Variants in OPHN1 observed in about 807,000 individuals in gnomAD.
OPHN1 encodes the protein oligophrenin-1.
In OPHN1, 11 loss-of-function variants were observed where a neutral mutation model predicts 60.7. The ratio of observed to expected loss-of-function variants is 0.18; its 90% CI spans 0.11 to 0.30. The LOEUF is 0.30. Among genes scored for constraint, OPHN1 ranks in the 10% least tolerant of loss-of-function variants. The pLI, the probability that OPHN1 is intolerant of heterozygous loss-of-function variation, is 1.00. For synonymous variants in OPHN1, 226 were observed against 222.6 expected, an observed-to-expected ratio of 1.02 and a Z score of -0.14; for missense variants, 449 against 611.0, an observed-to-expected ratio of 0.73 and a Z score of 2.80.
At chrX:68,362,932 G>A (rs2078480571) in intron 2 of OPHN1, among the ~76,000 whole-genome samples, 1 of 111,236 alleles carries the variant, frequency 9.0e-6, no homozygotes, top group South Asian at 3.8e-4. Context: ...CAATTTTTCT[G>A]TGAAACTGAA....
chrX:68,210,720 A>G (rs966888675), intron 8 of OPHN1, among the ~76,000 whole-genome samples: 14 of 112,065 alleles, frequency 1.2e-4, no homozygotes, highest in African/African-American at 4.5e-4. Context: ...CCAAGAACAT[A>G]AAATATACGA....
intron 2 of OPHN1, among the ~76,000 whole-genome samples, chrX:68,310,432 A>G (rs931747968): frequency 9.4e-6 from 1 of 106,092 alleles, no homozygotes; most frequent in African/African-American, 3.9e-5. Flanking sequence ...AGCTCTAAGA[A>G]GAGGAAAAAA....
chrX:68,216,951 CG>C (rs1322004464), intron 6 of OPHN1, among the ~76,000 whole-genome samples: 1 of 112,082 alleles, frequency 8.9e-6, no homozygotes. Flanking sequence ...GGAACAGCTC[CG>C]GTCTACAGCT....
At chrX:68,319,460 G>C (rs1432906804) in intron 2 of OPHN1, among the ~76,000 whole-genome samples, 1 of 111,377 alleles carries the variant, frequency 9.0e-6, no homozygotes, top group East Asian at 2.8e-4. Context: ...AAATGACTGG[G>C]CATGGTGGCT....
At chrX:68,317,585 GAA>G (rs1236426345) in intron 2 of OPHN1, among the ~76,000 whole-genome samples, 3 of 81,233 alleles carry the variant, frequency 3.7e-5, no homozygotes, top group Non-Finnish European at 6.4e-5. Context: ...GAGAAAGAAA[GAA>G]AGAGAGAGAA....
chrX:68,050,411 C>T (rs751527271), intron 23 of OPHN1, among the ~76,000 whole-genome samples: 2 of 111,995 alleles, frequency 1.8e-5, no homozygotes, highest in African/African-American at 6.5e-5. Context: ...CTGCTTTGGC[C>T]ATAGCCCTTG....
At chrX:68,157,120 A>G (rs1342722285) in intron 15 of OPHN1, among the ~76,000 whole-genome samples, 1 of 112,239 alleles carries the variant, frequency 8.9e-6, no homozygotes, top group African/African-American at 3.2e-5. Context: ...AATTTATATT[A>G]AATAAAATTT....
At chrX:68,194,406 T>C in intron 13 of OPHN1, 59 bp downstream of exon 13, 1 of 957,971 alleles carries the variant, frequency 1.0e-6, no homozygotes, top group Non-Finnish European at 1.5e-6. Context: ...TGGTATTTAC[T>C]ATGAATCGGA....
At chrX:68,405,809 T>C (rs2078739627) in intron 2 of OPHN1, among the ~76,000 whole-genome samples, 1 of 111,552 alleles carries the variant, frequency 9.0e-6, no homozygotes, top group Non-Finnish European at 1.9e-5. Flanking sequence ...TTCTAAACTT[T>C]TGGGACATAA....
chrX:68,089,571 AT>A (rs2077008649), intron 19 of OPHN1, among the ~76,000 whole-genome samples: 1 of 111,430 alleles, frequency 9.0e-6, no homozygotes, highest in Non-Finnish European at 1.9e-5. Flanking sequence ...AAATGCTATC[AT>A]TTTTACTGTG....
chrX:68,301,217 G>A (rs924820929), intron 2 of OPHN1, among the ~76,000 whole-genome samples: 7 of 110,994 alleles, frequency 6.3e-5, no homozygotes, highest in Non-Finnish European at 7.5e-5. Context: ...ACACTGAGGC[G>A]GGCAGATCAC....
At chrX:68,189,527 C>T (rs1486007105) in intron 15 of OPHN1, among the ~76,000 whole-genome samples, 1 of 106,590 alleles carries the variant, frequency 9.4e-6, no homozygotes, top group African/African-American at 3.4e-5. Context: ...CACAACAGGC[C>T]CCAGTGTGTG....
intron 6 of OPHN1, among the ~76,000 whole-genome samples, chrX:68,222,131 C>T (rs1470809181): frequency 7.2e-4 from 78 of 108,946 alleles, no homozygotes; most frequent in Non-Finnish European, 1.2e-3. Context: ...CATGAACAGA[C>T]ACTCCTCAAA....
intron 5 of OPHN1, among the ~76,000 whole-genome samples, chrX:68,261,210 A>C (rs1432435133): frequency 9.0e-6 from 1 of 111,511 alleles, no homozygotes; most frequent in Non-Finnish European, 1.9e-5. Flanking sequence ...AAAAAAGCTC[A>C]ATTCAGTGGC....
rs770308744 is a variant in OPHN1 at position 68,274,768 on chromosome X, A to G, written c.354T>C (p.Asn118=). The G allele has an allele frequency of 1.7e-6, 2 of 1,206,566 alleles. No individual in the cohort carries two copies. The highest frequency in any genetic ancestry group is 5.9e-5 in the East Asian group (2 of 33,762). The change falls in exon 5 of 25, where the codon AAT becomes AAC. Residue 118 remains asparagine, a synonymous_variant. Coordinates refer to ENST00000355520, the MANE Select transcript of OPHN1 (RefSeq NM_002547.3). ...ASDLLIKPLE[N]FRKEQIGFTK... is the part of the protein sequence containing the mutation. The stretch of plus-strand genomic sequence containing the variant: ...TGAAGCCTATTTGTTCCTTCCGGAA[A>G]TTTTCCAAGGGTTTAATCAGCAAAT...
chrX:68,299,215 T>G, intron 2 of OPHN1, 119 bp from the exon 3 acceptor site: 3 of 419,211 alleles, frequency 7.2e-6, no homozygotes, highest in Non-Finnish European at 4.5e-6. Context: ...AGGTTGCAAC[T>G]AGCATTTAAT....
chrX:68,207,190 G>A (rs1207243940), intron 9 of OPHN1, among the ~76,000 whole-genome samples: 8 of 105,815 alleles, frequency 7.6e-5, no homozygotes, highest in Admixed American at 3.1e-4. Flanking sequence ...GTGCAGTGGC[G>A]CAATCTCAGC....
intron 2 of OPHN1, among the ~76,000 whole-genome samples, chrX:68,329,546 C>T (rs2078284591): frequency 8.9e-6 from 1 of 112,188 alleles, no homozygotes; most frequent in Admixed American, 9.5e-5. Context: ...TTTCTTAGAG[C>T]ATTTCCTCAA....
intron 6 of OPHN1, among the ~76,000 whole-genome samples, chrX:68,219,267 A>C (rs12012983): frequency 0.13 from 10,068 of 74,785 alleles, 882 homozygotes; most frequent in African/African-American, 0.25. Context: ...CAGGAGCACC[A>C]AGATTCATAA....
Sources: allele counts gnomAD v4.1 joint callset (sites outside exome capture counted in the v4.1 genomes callset), GRCh38; gene constraint gnomAD v4.1.1; transcripts MANE v1.5; gene names NCBI Gene and HGNC (gene_info 2026-07-23, HGNC 2026-07-21).